Variants in DLG2 observed in about 807,000 individuals in gnomAD.
The protein encoded by DLG2 is discs large MAGUK scaffold protein 2, also known as disks large homolog 2.
DLG2 carries 45 observed loss-of-function variants against 132.5 expected under a neutral mutation model. The ratio of observed to expected loss-of-function variants is 0.34; its 90% CI spans 0.27 to 0.44. The LOEUF is 0.44. Among genes scored for constraint, DLG2 ranks in the 20% least tolerant of loss-of-function variants. The pLI is 1.00. For missense variants in DLG2, 1,045 were observed against 1,196.9 expected (o/e 0.87, Z 1.87); for synonymous variants, 424 against 419.6 (o/e 1.01, Z -0.13).
chr11:85,261,161 T>A (rs914438041), intron 4 of DLG2, among the ~76,000 whole-genome samples: 22 of 152,226 alleles, frequency 1.4e-4, no homozygotes, highest in South Asian at 2.1e-4. Flanking sequence ...AGGGGCTGTC[T>A]GCAAAATGGC....
chr11:84,297,464 T>A (rs1214558768), intron 7 of DLG2, among the ~76,000 whole-genome samples: 2 of 152,216 alleles, frequency 1.3e-5, no homozygotes, highest in African/African-American at 2.4e-5. Flanking sequence ...GAATCCACAC[T>A]ATTTAATCCA....
chr11:84,365,480 T>G (rs1274937319), intron 7 of DLG2, among the ~76,000 whole-genome samples: 1 of 152,164 alleles, frequency 6.6e-6, no homozygotes, highest in Non-Finnish European at 1.5e-5. Context: ...ATTCATTAAT[T>G]TTTTGAAGGG....
chr11:84,773,992 ACTCT>A (rs2069910004), intron 6 of DLG2, among the ~76,000 whole-genome samples: 3 of 152,046 alleles, frequency 2.0e-5, no homozygotes, highest in African/African-American at 7.2e-5. Flanking sequence ...AAGAAGTCAA[ACTCT>A]CTCTCTTCGC....
chr11:84,200,379 C>T (rs1011585444), intron 8 of DLG2, among the ~76,000 whole-genome samples: 9 of 151,754 alleles, frequency 5.9e-5, no homozygotes, highest in South Asian at 2.1e-4. Flanking sequence ...ATTAGTCACC[C>T]GACTAATTTT....
At chr11:85,067,321 G>A (rs933910061) in intron 6 of DLG2, among the ~76,000 whole-genome samples, 1 of 151,842 alleles carries the variant, frequency 6.6e-6, no homozygotes, top group Admixed American at 6.6e-5. Context: ...ATTTTTTGAA[G>A]GGTTTTTTGT....
At chr11:83,604,024 A>T (rs1365394071) in intron 19 of DLG2, among the ~76,000 whole-genome samples, 1 of 152,176 alleles carries the variant, frequency 6.6e-6, no homozygotes, top group Non-Finnish European at 1.5e-5. Context: ...ATATAGATAG[A>T]TTTCAAAATA....
intron 9 of DLG2, among the ~76,000 whole-genome samples, chr11:84,105,839 C>G (rs1232715207): frequency 6.6e-6 from 1 of 152,130 alleles, no homozygotes; most frequent in African/African-American, 2.4e-5. Flanking sequence ...CCTATCTGTT[C>G]CTTTTGCTAC....
intron 7 of DLG2, among the ~76,000 whole-genome samples, chr11:84,450,407 C>CTTT (rs34295402): frequency 7.3e-6 from 1 of 137,492 alleles, no homozygotes; most frequent in Non-Finnish European, 1.6e-5. Flanking sequence ...ACAAGAAGTA[C>CTTT]TTTTTTTTTT....
chr11:83,580,498 C>T (rs2096952248), intron 19 of DLG2, among the ~76,000 whole-genome samples: 1 of 152,116 alleles, frequency 6.6e-6, no homozygotes, highest in African/African-American at 2.4e-5. Flanking sequence ...TTCCTTTTCT[C>T]TCCTACCAAG....
chr11:85,158,266 C>T (rs1431416947), intron 4 of DLG2, among the ~76,000 whole-genome samples: 1 of 152,082 alleles, frequency 6.6e-6, no homozygotes, highest in Admixed American at 6.6e-5. Context: ...TTTATTGATC[C>T]GGCCCCACTA....
At chr11:84,958,293 C>T (rs981024952) in intron 6 of DLG2, among the ~76,000 whole-genome samples, 8 of 152,064 alleles carry the variant, frequency 5.3e-5, no homozygotes, top group East Asian at 3.9e-4. Context: ...CCAAATTCTA[C>T]GGAGAAAGAG....
intron 7 of DLG2, among the ~76,000 whole-genome samples, chr11:84,274,532 T>C (rs530292809): frequency 5.4e-4 from 83 of 152,326 alleles, no homozygotes; most frequent in African/African-American, 1.9e-3. Flanking sequence ...AAGAGCAGCA[T>C]GATTTGGGTT....
intron 7 of DLG2, among the ~76,000 whole-genome samples, chr11:84,284,183 G>A (rs1322193869): frequency 6.6e-6 from 1 of 152,108 alleles, no homozygotes; most frequent in Non-Finnish European, 1.5e-5. Context: ...GCGGTGAGCC[G>A]AGATCGCACC....
At chr11:83,455,062 A>G (rs1202374040), downstream of DLG2, 3 of 152,694 alleles carry the variant, frequency 2.0e-5, no homozygotes, top group African/African-American at 7.2e-5. Flanking sequence ...TAATAAAACC[A>G]TGACATGTTT....
chr11:84,232,236 G>C (rs1257219477), intron 8 of DLG2, among the ~76,000 whole-genome samples: 3 of 151,978 alleles, frequency 2.0e-5, no homozygotes, highest in South Asian at 2.1e-4. Context: ...AAAGCACTTT[G>C]CTTCATTTTT....
intron 16 of DLG2, among the ~76,000 whole-genome samples, chr11:83,850,160 G>GTGTGTGTGTGTGTGTGTTTTT (rs1452960432): frequency 8.0e-6 from 1 of 124,304 alleles, no homozygotes; most frequent in African/African-American, 3.6e-5. Flanking sequence ...GTGTGTGTGT[G>GTGTGTGTGTGTGTGTGTTTTT]TTTTTTTACT....
At chr11:85,248,858 TCAAGGAG>T (rs569673486) in intron 4 of DLG2, among the ~76,000 whole-genome samples, 107 of 152,146 alleles carry the variant, frequency 7.0e-4, no homozygotes, top group African/African-American at 2.5e-3. Context: ...GTAACCAAAG[TCAAGGAG>T]TGACAGATTC....
chr11:84,222,695 A>C (rs2096932843), intron 8 of DLG2, among the ~76,000 whole-genome samples: 1 of 152,184 alleles, frequency 6.6e-6, no homozygotes, highest in African/African-American at 2.4e-5. Context: ...GGATGTGTAC[A>C]AAGTCACACA....
intron 19 of DLG2, among the ~76,000 whole-genome samples, chr11:83,595,870 C>T (rs1202531137): frequency 1.3e-5 from 2 of 152,104 alleles, no homozygotes; most frequent in African/African-American, 4.8e-5. Context: ...TAACTATGCC[C>T]TTGATTAGGT....
Sources: gnomAD v4.1 joint callset for allele counts (sites outside exome capture counted in the v4.1 genomes callset) on GRCh38, gnomAD v4.1.1 for gene constraint, MANE v1.5 for transcripts, NCBI Gene and HGNC (gene_info 2026-07-23, HGNC 2026-07-21) for gene names.